The following MCC variants were observed in gnomAD, a reference collection of about 807,000 sequenced individuals.
MCC encodes the protein MCC regulator of Wnt signaling pathway, also known as colorectal mutant cancer protein.
A neutral mutation model predicts 116.2 loss-of-function variants in MCC; 90 were observed. The ratio of observed to expected loss-of-function variants is 0.77; its 90% CI spans 0.65 to 0.92. The LOEUF is 0.92. Ranked by LOEUF, MCC falls within the 40% of genes least tolerant of loss-of-function variation. MCC has a pLI of 0.00. For missense variants in MCC, 1,516 were observed against 1,312.2 expected (o/e 1.16, Z -2.40); for synonymous variants, 578 against 510.5 (o/e 1.13, Z -1.78).
intron 3 of MCC, among the ~76,000 whole-genome samples, chr5:113,233,761 A>G (rs1388213729): frequency 1.3e-5 from 2 of 152,174 alleles, no homozygotes; most frequent in Non-Finnish European, 2.9e-5. Flanking sequence ...GTCACCTAAG[A>G]TATATTTGGC....
chr5:113,181,645 T>C (rs1312269174), intron 3 of MCC, among the ~76,000 whole-genome samples: 3 of 152,204 alleles, frequency 2.0e-5, no homozygotes, highest in Admixed American at 6.5e-5. Flanking sequence ...ATGAGGTAAC[T>C]AGTCCCCAGA....
chr5:113,419,849 C>G (rs1770273590), intron 1 of MCC, among the ~76,000 whole-genome samples: 1 of 128,948 alleles, frequency 7.8e-6, no homozygotes, highest in Non-Finnish European at 1.5e-5. Flanking sequence ...ACAAGGGGAA[C>G]ATCACACACC....
At chr5:113,034,325 G>A (rs182491404) in intron 17 of MCC, among the ~76,000 whole-genome samples, 2 of 152,354 alleles carry the variant, frequency 1.3e-5, no homozygotes, top group East Asian at 1.9e-4. Flanking sequence ...TTGCCAGTAC[G>A]CTGGGCAGAG....
At chr5:113,158,517 T>C (rs1373215) in intron 3 of MCC, among the ~76,000 whole-genome samples, 142,079 of 152,144 alleles carry the variant, frequency 0.93, 66,774 homozygotes, top group Non-Finnish European at 0.99. Context: ...GAATTCCAGG[T>C]CACCAGGCAG....
At chr5:113,329,487 CAT>C (rs71626681) in intron 3 of MCC, among the ~76,000 whole-genome samples, 45,048 of 151,686 alleles carry the variant, frequency 0.3, 7,328 homozygotes, top group African/African-American at 0.4. Flanking sequence ...TATACACACA[CAT>C]ATATAAACAC....
chr5:113,434,377 A>G lies in MCC; in HGVS notation c.171-49165T>C. The G allele has an allele frequency of 6.2e-7, 1 of 1,613,918 alleles. No individual in the cohort carries two copies. The highest frequency in any genetic ancestry group is 8.5e-7 in the Non-Finnish European group (1 of 1,179,948). On this transcript the variant is annotated intron_variant, in intron 1 of 18. Transcript: ENST00000408903. The surrounding 1 kb of genome is among the most constrained non-coding windows in gnomAD (Gnocchi z 4.2). ...CGCAGGCAGCGCTTGGAGAAGCTGA[A>G]GTCGGACAGCTTGATGTTGAAGTCC...
intron 3 of MCC, among the ~76,000 whole-genome samples, chr5:113,331,612 T>C (rs1767697856): frequency 1.5e-5 from 1 of 67,604 alleles, no homozygotes; most frequent in Non-Finnish European, 2.7e-5. Context: ...ATCTGCTTTT[T>C]TGTTTGTTTT....
At position 113,434,579 on chromosome 5, in the gene MCC, G is replaced by A. The variant is rs372875445; in HGVS notation, c.171-49367C>T. 1.4e-5 allele frequency: 22 copies of A among 1,613,814 alleles called. No individual in the cohort carries two copies. In the African/African-American group the frequency reaches 1.6e-4, roughly 12 times the overall value. ...CCTGGACCGCGAGCTCCATGACGAT[G>A]TAGACCTTGCCATGTGATGTCTCAA... On this transcript the variant is annotated intron_variant, in intron 1 of 18. Coordinates refer to ENST00000408903, the MANE Select transcript of MCC (RefSeq NM_001085377.2). The surrounding 1 kb of genome is among the most constrained non-coding windows in gnomAD (Gnocchi z 4.2).
intron 1 of MCC, among the ~76,000 whole-genome samples, chr5:113,461,843 T>C (rs1204059454): frequency 6.6e-6 from 1 of 151,808 alleles, no homozygotes; most frequent in Non-Finnish European, 1.5e-5. Flanking sequence ...AAAGGGACTA[T>C]TCACTGAGGG....
At chr5:113,234,675 AAAC>A (rs1209651250) in intron 3 of MCC, 1 of 152,206 alleles carries the variant, frequency 6.6e-6, no homozygotes, top group East Asian at 1.9e-4. Context: ...TATATATAGA[AAAC>A]AACTAGAGTT....
intron 3 of MCC, among the ~76,000 whole-genome samples, chr5:113,328,519 A>G (rs1424961099): frequency 1.3e-5 from 2 of 152,128 alleles, no homozygotes; most frequent in Non-Finnish European, 2.9e-5. Flanking sequence ...TCTAGCTGAA[A>G]ACAACCTCCA....
intron 1 of MCC, among the ~76,000 whole-genome samples, chr5:113,406,524 T>C (rs149758414): frequency 1.1e-3 from 169 of 152,298 alleles, no homozygotes; most frequent in African/African-American, 3.8e-3. Flanking sequence ...CTCTGCCCTC[T>C]CCACTGAACC....
At chr5:113,317,680 C>T (rs1004953352) in intron 3 of MCC, among the ~76,000 whole-genome samples, 1 of 152,162 alleles carries the variant, frequency 6.6e-6, no homozygotes, top group African/African-American at 2.4e-5. Flanking sequence ...ATAAAACCTT[C>T]GTTCCACAAA....
intron 3 of MCC, among the ~76,000 whole-genome samples, chr5:113,165,755 C>T (rs921490450): frequency 6.6e-6 from 1 of 152,110 alleles, no homozygotes; most frequent in African/African-American, 2.4e-5. Flanking sequence ...CCTGTAACCA[C>T]CCAAAAAATC....
chr5:113,096,521 A>T (rs1218413988), intron 8 of MCC, among the ~76,000 whole-genome samples: 1 of 152,140 alleles, frequency 6.6e-6, no homozygotes, highest in Non-Finnish European at 1.5e-5. Flanking sequence ...TATCATAGTC[A>T]AAGCATGTAA....
chr5:113,231,179 C>A (rs967711648), intron 3 of MCC, among the ~76,000 whole-genome samples: 1 of 152,110 alleles, frequency 6.6e-6, no homozygotes, highest in Non-Finnish European at 1.5e-5. Context: ...TTGTTTTTTA[C>A]TGAGGATTGA....
chr5:113,308,473 G>C (rs940294676), intron 3 of MCC, among the ~76,000 whole-genome samples: 3 of 152,118 alleles, frequency 2.0e-5, no homozygotes, highest in Non-Finnish European at 4.4e-5. Context: ...TCCTCAGGTT[G>C]CCCCATCCCC....
intron 3 of MCC, among the ~76,000 whole-genome samples, chr5:113,223,180 G>T (rs1763614681): frequency 6.6e-6 from 1 of 152,196 alleles, no homozygotes; most frequent in Admixed American, 6.5e-5. Context: ...GAGGCAGGCA[G>T]GAGATTTATC....
intron 3 of MCC, among the ~76,000 whole-genome samples, chr5:113,260,942 C>T (rs919583093): frequency 6.6e-6 from 1 of 151,966 alleles, no homozygotes; most frequent in Non-Finnish European, 1.5e-5. Context: ...AAGTAATAGC[C>T]TCATTTCTGG....
Sources: gnomAD v4.1 joint callset for allele counts (sites outside exome capture counted in the v4.1 genomes callset) on GRCh38, gnomAD v4.1.1 for gene constraint, Gnocchi (gnomAD v3.1) non-coding constraint, MANE v1.5 for transcripts, NCBI Gene and HGNC (gene_info 2026-07-23, HGNC 2026-07-21) for gene names.